Variants in AUTS2 observed in about 807,000 individuals in gnomAD.
AUTS2 encodes the protein autism susceptibility gene 2 protein.
AUTS2 carries 17 observed loss-of-function variants against 112.4 expected under a neutral mutation model. The ratio of observed to expected loss-of-function variants is 0.15; its 90% CI spans 0.10 to 0.23. The LOEUF (loss-of-function observed/expected upper bound fraction) is 0.23. AUTS2 is among the 10% of genes least tolerant of loss of function. The pLI, the probability that AUTS2 is intolerant of heterozygous loss-of-function variation, is 1.00. For synonymous variants in AUTS2, 751 were observed against 702.7 expected, an observed-to-expected ratio of 1.07 and a Z score of -1.09; for missense variants, 1,510 against 1,701.6, an observed-to-expected ratio of 0.89 and a Z score of 1.98.
chr7:70,456,571 T>C (rs538635561), intron 5 of AUTS2, among the ~76,000 whole-genome samples: 1 of 152,168 alleles, frequency 6.6e-6, no homozygotes, highest in Non-Finnish European at 1.5e-5. Context: ...CTAGCAGGGC[T>C]GCACTGTGAC....
chr7:70,771,490 G>T, intron 10 of AUTS2, 59 bp from the exon 11 acceptor site: 1 of 1,426,776 alleles, frequency 7.0e-7, no homozygotes, highest in South Asian at 1.2e-5. Context: ...ACGGGAATTT[G>T]AATATGTCAC....
At chr7:69,894,804 G>A (rs1314738586) in intron 1 of AUTS2, among the ~76,000 whole-genome samples, 3 of 152,012 alleles carry the variant, frequency 2.0e-5, no homozygotes, top group Non-Finnish European at 2.9e-5. Flanking sequence ...TTGGGGTGGC[G>A]TGTTCTGCCA....
intron 2 of AUTS2, among the ~76,000 whole-genome samples, chr7:69,966,461 T>C (rs1344485652): frequency 6.6e-6 from 1 of 152,214 alleles, no homozygotes; most frequent in Non-Finnish European, 1.5e-5. Flanking sequence ...AGATGGAAGC[T>C]GATAACATCA....
chr7:70,527,975 AC>A (rs2129496765), intron 5 of AUTS2, among the ~76,000 whole-genome samples: 1 of 152,166 alleles, frequency 6.6e-6, no homozygotes, highest in African/African-American at 2.4e-5. Context: ...AATTAGAGCC[AC>A]TCCTAACACA....
At chr7:70,173,628 G>T (rs1390588439) in intron 4 of AUTS2, among the ~76,000 whole-genome samples, 1 of 151,998 alleles carries the variant, frequency 6.6e-6, no homozygotes, top group Non-Finnish European at 1.5e-5. Context: ...TTAAAGTTTT[G>T]TGTAAACCTT....
intron 2 of AUTS2, among the ~76,000 whole-genome samples, chr7:69,931,896 C>T (rs1023921149): frequency 9.9e-5 from 15 of 152,170 alleles, no homozygotes; most frequent in South Asian, 2.1e-4. Flanking sequence ...AGGCAATCTT[C>T]GAATTGATGA....
intron 2 of AUTS2, among the ~76,000 whole-genome samples, chr7:69,940,516 T>G (rs909530105): frequency 2.6e-5 from 4 of 152,030 alleles, no homozygotes; most frequent in African/African-American, 9.7e-5. Flanking sequence ...AGAGAGTGTG[T>G]GTCATGGAGT....
At chr7:70,354,488 C>T (rs1263318992) in intron 4 of AUTS2, among the ~76,000 whole-genome samples, 9 of 152,184 alleles carry the variant, frequency 5.9e-5, no homozygotes, top group Non-Finnish European at 1.0e-4. Context: ...TATCTTAATC[C>T]TCTCAACAAT....
intron 1 of AUTS2, among the ~76,000 whole-genome samples, chr7:69,773,131 G>A (rs958477412): frequency 1.3e-5 from 2 of 152,150 alleles, no homozygotes; most frequent in African/African-American, 4.8e-5. Flanking sequence ...GTATTTATGA[G>A]CTATGTGACC....
chr7:69,833,457 A>G (rs1791587874), intron 1 of AUTS2, among the ~76,000 whole-genome samples: 1 of 151,950 alleles, frequency 6.6e-6, no homozygotes, highest in Admixed American at 6.5e-5. Flanking sequence ...TTCTTTTGAG[A>G]TGGAGTCTCA....
intron 4 of AUTS2, among the ~76,000 whole-genome samples, chr7:70,396,563 G>A (rs1794094050): frequency 6.6e-6 from 1 of 152,052 alleles, no homozygotes; most frequent in South Asian, 2.1e-4. Context: ...CTTTAGTAGA[G>A]ATGGGGTTTT....
intron 2 of AUTS2, among the ~76,000 whole-genome samples, chr7:69,938,209 C>T (rs1267521948): frequency 2.0e-5 from 3 of 152,192 alleles, no homozygotes; most frequent in African/African-American, 7.2e-5. Flanking sequence ...CTTTTAGTTT[C>T]ATCAGCTAAG....
intron 2 of AUTS2, among the ~76,000 whole-genome samples, chr7:69,900,540 T>C (rs1584414053): frequency 6.6e-6 from 1 of 152,208 alleles, no homozygotes; most frequent in East Asian, 1.9e-4. Flanking sequence ...CTAATGACAT[T>C]TGTAGTTTTA....
intron 1 of AUTS2, among the ~76,000 whole-genome samples, chr7:69,833,537 C>T (rs919145220): frequency 2.0e-5 from 3 of 152,004 alleles, no homozygotes; most frequent in African/African-American, 4.8e-5. Flanking sequence ...TGGGTTCAAG[C>T]GATTCTCATG....
At chr7:70,579,436 T>G (rs1802337372) in intron 5 of AUTS2, among the ~76,000 whole-genome samples, 1 of 152,044 alleles carries the variant, frequency 6.6e-6, no homozygotes, top group Admixed American at 6.5e-5. Flanking sequence ...ATGGGATTCT[T>G]TTTTCTAAGC....
chr7:70,280,666 G>A (rs892687938), intron 4 of AUTS2, among the ~76,000 whole-genome samples: 1 of 152,034 alleles, frequency 6.6e-6, no homozygotes, highest in African/African-American at 2.4e-5. Flanking sequence ...TAAACACTTG[G>A]AGGTCTGAAC....
intron 15 of AUTS2, 187 bp from the exon 16 acceptor site, chr7:70,784,742 TAAAAAAAAAAAAA>T (rs71077682): frequency 3.9e-3 from 1,080 of 280,022 alleles, no homozygotes; most frequent in South Asian, 4.9e-3. Context: ...TTCTGCTTCC[TAAAAAAAAAAAAA>T]AAAAAAAAAA....
At chr7:69,924,866 A>G (rs1046825842) in intron 2 of AUTS2, among the ~76,000 whole-genome samples, 7 of 152,152 alleles carry the variant, frequency 4.6e-5, no homozygotes, top group Non-Finnish European at 7.4e-5. Context: ...TTTCTTTCTT[A>G]AATGATAGGT....
intron 1 of AUTS2, among the ~76,000 whole-genome samples, chr7:69,708,073 G>T (rs982585356): frequency 2.6e-5 from 4 of 152,136 alleles, no homozygotes; most frequent in Non-Finnish European, 5.9e-5. Context: ...CAGAGAATGA[G>T]CTCCAACTGA....
Sources: allele counts gnomAD v4.1 joint callset (sites outside exome capture counted in the v4.1 genomes callset), GRCh38; gene constraint gnomAD v4.1.1; transcripts MANE v1.5; gene names NCBI Gene and HGNC (gene_info 2026-07-23, HGNC 2026-07-21).